The following RBFOX2 variants were observed in gnomAD, a reference collection of about 807,000 sequenced individuals.
RBFOX2 encodes RNA binding protein fox-1 homolog 2.
RBFOX2 carries 10 observed loss-of-function variants against 49.1 expected under a neutral mutation model. That is an observed-to-expected ratio of 0.20 (90% confidence interval 0.13 to 0.35). RBFOX2 has a LOEUF of 0.35. RBFOX2 is among the 10% of genes least tolerant of loss of function. The pLI, the probability that RBFOX2 is intolerant of heterozygous loss-of-function variation, is 1.00. For synonymous variants in RBFOX2, 183 were observed against 187.4 expected, an observed-to-expected ratio of 0.98 and a Z score of 0.19; for missense variants, 323 against 486.9, an observed-to-expected ratio of 0.66 and a Z score of 3.17.
intron 2 of RBFOX2, among the ~76,000 whole-genome samples, chr22:35,798,948 A>C (rs1388124083): frequency 6.6e-6 from 1 of 152,204 alleles, no homozygotes; most frequent in Non-Finnish European, 1.5e-5. Flanking sequence ...GAATTCTGTT[A>C]CCTAAACTGA....
In RBFOX2 at chr22:35,772,914, T is replaced by A. The variant is rs113811924; in HGVS notation, c.454-4565A>T. On this transcript the variant is annotated intron_variant, in intron 4 of 11. Coordinates refer to ENST00000405409, the Ensembl canonical transcript of RBFOX2. ...TTTGAATTTTTCGATCTCAGAAGAA[T>A]GAGAAAGAAAATTTACCATGTAACT... Among the ~76,000 whole-genome samples the A allele has an allele frequency of 8.7e-3, 1,319 of 151,648 alleles. 17 individuals are homozygous for A. The highest frequency in any genetic ancestry group is 0.03 in the African/African-American group (1,239 of 41,380).
intron 1 of RBFOX2, among the ~76,000 whole-genome samples, chr22:36,023,356 T>C (rs2059315197): frequency 6.6e-6 from 1 of 152,216 alleles, no homozygotes; most frequent in Admixed American, 6.5e-5. Context: ...GATTTATGAC[T>C]CTATGGTGAG....
intron 1 of RBFOX2, among the ~76,000 whole-genome samples, chr22:35,906,205 G>A (rs1394067030): frequency 6.6e-6 from 1 of 152,124 alleles, no homozygotes; most frequent in South Asian, 2.1e-4. Context: ...GGGAGGAAAA[G>A]ATCAAAGGAG....
intron 1 of RBFOX2, among the ~76,000 whole-genome samples, chr22:36,009,015 CA>C (rs1214984671): frequency 6.6e-6 from 1 of 151,802 alleles, no homozygotes; most frequent in Non-Finnish European, 1.5e-5. Flanking sequence ...TACACAGCTT[CA>C]AAAAAAACTG....
intron 1 of RBFOX2, among the ~76,000 whole-genome samples, chr22:35,952,993 C>T (rs1020088530): frequency 6.6e-6 from 1 of 151,756 alleles, no homozygotes; most frequent in Non-Finnish European, 1.5e-5. Flanking sequence ...GGGCGGATCA[C>T]GAGGTCAGGA....
chr22:35,919,688 G>A (rs985820391), intron 1 of RBFOX2, among the ~76,000 whole-genome samples: 2 of 152,214 alleles, frequency 1.3e-5, no homozygotes, highest in African/African-American at 4.8e-5. Context: ...TGTACAGTAT[G>A]TGAATTATAT....
chr22:36,014,102 G>A (rs981510597), intron 1 of RBFOX2, among the ~76,000 whole-genome samples: 1 of 151,574 alleles, frequency 6.6e-6, no homozygotes, highest in African/African-American at 2.4e-5. Context: ...GCATGGGCAG[G>A]ATGATACCTA....
intron 1 of RBFOX2, among the ~76,000 whole-genome samples, chr22:35,891,441 C>T (rs2047232323): frequency 1.3e-5 from 2 of 151,934 alleles, no homozygotes; most frequent in African/African-American, 2.4e-5. Context: ...CCAGGGCACA[C>T]TATGTCTTTA....
intron 2 of RBFOX2, among the ~76,000 whole-genome samples, chr22:35,804,000 C>G (rs566682321): frequency 6.6e-6 from 1 of 152,338 alleles, no homozygotes; most frequent in South Asian, 2.1e-4. Flanking sequence ...TATGTGTTGG[C>G]TGGGCGCAGT....
chr22:35,966,047 C>T (rs1259578872), upstream of RBFOX2, among the ~76,000 whole-genome samples: 1 of 152,058 alleles, frequency 6.6e-6, no homozygotes, highest in Non-Finnish European at 1.5e-5. Context: ...TTTGCAAAGT[C>T]ACTCCCACCA....
At chr22:35,866,783 T>C (rs2043733360) in intron 1 of RBFOX2, among the ~76,000 whole-genome samples, 2 of 152,122 alleles carry the variant, frequency 1.3e-5, no homozygotes, top group Non-Finnish European at 2.9e-5. Flanking sequence ...ACAGAAAACA[T>C]GCAGGCTGCC....
rs1569246172 is a variant in RBFOX2, at chr22:35,817,537, A to C, written c.28-7533T>G. 2.0e-5 allele frequency among the ~76,000 whole-genome samples: 3 copies of C among 152,134 alleles called. No homozygotes were observed. In the South Asian group the frequency reaches 6.2e-4, roughly 32 times the overall value. On this transcript the variant is annotated intron_variant, in intron 1 of 11. Transcript: ENST00000405409. ...AAAGAGAGCATAGATGATGAGAGGAAGGCAACAGTGGCTATAAATGTAAGT... is the reference window on the plus strand; with the variant it reads ...AAAGAGAGCATAGATGATGAGAGGACGGCAACAGTGGCTATAAATGTAAGT...
intron 2 of RBFOX2, among the ~76,000 whole-genome samples, chr22:35,801,186 G>A (rs745903779): frequency 1.6e-4 from 25 of 152,222 alleles, no homozygotes; most frequent in Non-Finnish European, 3.2e-4. Flanking sequence ...TGAAAAGTGA[G>A]ATACAAATTT....
chr22:35,849,747 C>T lies in RBFOX2; in HGVS notation c.-33-39743G>A, dbSNP rs921732280. Among the ~76,000 whole-genome samples the T allele has an allele frequency of 1.1e-4, 17 of 152,268 alleles. No individual in the cohort carries two copies. In the South Asian group the frequency reaches 2.7e-3, roughly 24 times the overall value. On this transcript the variant is annotated intron_variant, in intron 1 of 13. Coordinates refer to the RBFOX2 transcript ENST00000359369. Reference sequence around the variant, plus strand: ...AAATCCTTCGCTGACCTCCAGTCTACGCAGATAGGTATGCTGGCTCAGCTG... The same window carrying T: ...AAATCCTTCGCTGACCTCCAGTCTATGCAGATAGGTATGCTGGCTCAGCTG...
intron 1 of RBFOX2, among the ~76,000 whole-genome samples, chr22:35,878,892 G>A (rs1238431881): frequency 2.0e-5 from 3 of 151,912 alleles, no homozygotes; most frequent in African/African-American, 7.3e-5. Flanking sequence ...CACCACACCC[G>A]GCTAATTTTT....
chr22:35,979,588 G>A (rs1176199784), intron 1 of RBFOX2, among the ~76,000 whole-genome samples: 6 of 152,186 alleles, frequency 3.9e-5, no homozygotes, highest in Admixed American at 6.5e-5. Context: ...GAGCAATGAA[G>A]CAGATGCAGT....
Position 36,025,663 on chromosome 22 carries a change from G to A in RBFOX2, c.186+2577C>T, listed in dbSNP as rs565377162. 1.7e-4 allele frequency among the ~76,000 whole-genome samples: 26 copies of A among 152,028 alleles called. No individual in the cohort carries two copies. In the South Asian group the frequency reaches 4.2e-3, roughly 24 times the overall value. On this transcript the variant is annotated intron_variant, in intron 1 of 13. Coordinates refer to the RBFOX2 transcript ENST00000438146. ...CACGCTTCTTTAAAAAAAACTTTTC[G>A]CCCATTTGTCTCCCCACATAGATTG...
At chr22:35,861,398 C>T (rs965805618) in intron 1 of RBFOX2, among the ~76,000 whole-genome samples, 1 of 151,994 alleles carries the variant, frequency 6.6e-6, no homozygotes, top group Non-Finnish European at 1.5e-5. Flanking sequence ...AAAGTATACA[C>T]CTGATAAAGG....
chr22:35,848,367 G>C (rs1164228200), intron 1 of RBFOX2, among the ~76,000 whole-genome samples: 4 of 151,984 alleles, frequency 2.6e-5, no homozygotes, highest in Admixed American at 2.6e-4. Flanking sequence ...CTCTTAATTT[G>C]AATAATCCAA....
Sources: allele counts gnomAD v4.1 joint callset (sites outside exome capture counted in the v4.1 genomes callset), GRCh38; gene constraint gnomAD v4.1.1; transcripts MANE v1.5; gene names NCBI Gene and HGNC (gene_info 2026-07-23, HGNC 2026-07-21).